Variants in DLC1 observed in about 807,000 individuals in gnomAD.
DLC1 encodes the protein rho GTPase-activating protein 7.
DLC1 carries 54 observed loss-of-function variants against 140.3 expected under a neutral mutation model. The ratio of observed to expected loss-of-function variants is 0.38; its 90% confidence interval spans 0.31 to 0.48. The LOEUF is 0.48. Among genes scored for constraint, DLC1 ranks in the 20% least tolerant of loss-of-function variants. The pLI, the probability that DLC1 is intolerant of heterozygous loss-of-function variation, is 0.96. For missense variants in DLC1, 2,536 were observed against 1,907.0 expected (o/e 1.33, Z -6.14); for synonymous variants, 986 against 728.1 (o/e 1.35, Z -5.70).
intron 5 of DLC1, among the ~76,000 whole-genome samples, chr8:13,300,948 T>C (rs1219912841): frequency 2.0e-5 from 3 of 152,142 alleles, no homozygotes; most frequent in Non-Finnish European, 2.9e-5. Context: ...AAGGCCTGCA[T>C]GGAAGCAGTG....
chr8:13,258,691 C>G lies in DLC1; in HGVS notation c.1348+46578G>C, dbSNP rs191119048. 2.1e-3 allele frequency among the ~76,000 whole-genome samples: 327 copies of G among 152,294 alleles called. 2 individuals carry two copies. Among genetic ancestry groups the G allele is most frequent in the African/African-American group, 7.2e-3 (301 of 41,554 alleles). On this transcript the variant is annotated intron_variant, in intron 5 of 17. Coordinates refer to ENST00000276297, the MANE Select transcript of DLC1 (RefSeq NM_182643.3). Reference sequence around the variant, plus strand: ...TTCAAAGTATCAATGGCCTATGTAGCCTGTGGAACATAGTATGTCCTACAT... The same window carrying G: ...TTCAAAGTATCAATGGCCTATGTAGGCTGTGGAACATAGTATGTCCTACAT...
intron 1 of DLC1, among the ~76,000 whole-genome samples, chr8:13,537,897 G>A (rs990075697): frequency 7.9e-5 from 12 of 151,814 alleles, no homozygotes; most frequent in East Asian, 3.9e-4. Flanking sequence ...CTCGTGATCC[G>A]CCCACCTCGG....
At chr8:13,210,848 C>G (rs1294006070) in intron 5 of DLC1, among the ~76,000 whole-genome samples, 2 of 152,210 alleles carry the variant, frequency 1.3e-5, no homozygotes, top group East Asian at 3.9e-4. Flanking sequence ...TTTTAAGTCT[C>G]TTTCCCTGGT....
intron 2 of DLC1, among the ~76,000 whole-genome samples, chr8:13,496,811 TTTTTTTTG>T (rs1563397902): frequency 0.095 from 1,605 of 16,948 alleles, 176 homozygotes; most frequent in Non-Finnish European, 0.12. Context: ...TTTTTTTTTT[TTTTTTTTG>T]AGATGGAGTT....
intron 5 of DLC1, among the ~76,000 whole-genome samples, chr8:13,301,833 A>G (rs1832206748): frequency 6.6e-6 from 1 of 152,188 alleles, no homozygotes; most frequent in Non-Finnish European, 1.5e-5. Flanking sequence ...TGAACTGCAC[A>G]TGTGAGGGTT....
At chr8:13,130,110 C>A (rs2128962121) in intron 5 of DLC1, among the ~76,000 whole-genome samples, 1 of 152,244 alleles carries the variant, frequency 6.6e-6, no homozygotes, top group African/African-American at 2.4e-5. Flanking sequence ...GAATATTTTC[C>A]AATTGCATAT....
intron 2 of DLC1, among the ~76,000 whole-genome samples, chr8:13,468,659 A>C (rs542749577): frequency 1.2e-4 from 18 of 150,868 alleles, no homozygotes; most frequent in Admixed American, 3.3e-4. Flanking sequence ...ACAGAGGTGC[A>C]TCAGCATGTC....
At chr8:13,323,516 G>A (rs1833212128) in intron 4 of DLC1, among the ~76,000 whole-genome samples, 1 of 152,118 alleles carries the variant, frequency 6.6e-6, no homozygotes, top group Non-Finnish European at 1.5e-5. Context: ...TTGCAGTTAA[G>A]TATTTTGCTT....
intron 2 of DLC1, among the ~76,000 whole-genome samples, chr8:13,423,705 C>T (rs1838423495): frequency 6.6e-6 from 1 of 152,022 alleles, no homozygotes; most frequent in South Asian, 2.1e-4. Context: ...ACATTTTATT[C>T]AACCACAGAT....
intron 2 of DLC1, among the ~76,000 whole-genome samples, chr8:13,496,331 T>C (rs768434213): frequency 6.6e-6 from 1 of 152,148 alleles, no homozygotes; most frequent in Admixed American, 6.5e-5. Flanking sequence ...ATGCAGAAAA[T>C]GCCTCAGCTT....
At chr8:13,115,371 G>C (rs1820459440) in intron 6 of DLC1, among the ~76,000 whole-genome samples, 1 of 152,200 alleles carries the variant, frequency 6.6e-6, no homozygotes. Context: ...TTTGGGTAGG[G>C]AGTGGCAGGC....
chr8:13,321,404 G>T (rs1175562879), intron 4 of DLC1, among the ~76,000 whole-genome samples: 1 of 152,056 alleles, frequency 6.6e-6, no homozygotes, highest in South Asian at 2.1e-4. Flanking sequence ...CATGTGTGGT[G>T]GTGCGTGCCT....
intron 1 of DLC1, among the ~76,000 whole-genome samples, chr8:13,505,993 A>T (rs73665128): frequency 6.6e-6 from 1 of 152,330 alleles, no homozygotes; most frequent in African/African-American, 2.4e-5. Context: ...CAACTTTTGT[A>T]TTCATCCCAT....
At chr8:13,534,134 C>G (rs1345724998) in intron 1 of DLC1, among the ~76,000 whole-genome samples, 1 of 152,124 alleles carries the variant, frequency 6.6e-6, no homozygotes, top group Admixed American at 6.6e-5. Context: ...GTTTAGATAT[C>G]ACTCATTTGA....
intron 1 of DLC1, among the ~76,000 whole-genome samples, chr8:13,521,051 C>G (rs777795467): frequency 6.6e-6 from 1 of 152,140 alleles, no homozygotes; most frequent in Non-Finnish European, 1.5e-5. Context: ...TCCATATACA[C>G]CATGGAATAC....
chr8:13,567,678 G>A, intron 1 of DLC1: 1 of 1,551,916 alleles, frequency 6.4e-7, no homozygotes, highest in South Asian at 1.2e-5. Flanking sequence ...TACTCCAAGA[G>A]AGAATAGATG....
At chr8:13,105,489 G>T (rs916610722) in intron 7 of DLC1, among the ~76,000 whole-genome samples, 1 of 152,068 alleles carries the variant, frequency 6.6e-6, no homozygotes, top group Non-Finnish European at 1.5e-5. Flanking sequence ...TTTTACAGAT[G>T]AGGAAATGGG....
chr8:13,107,801 C>T (rs1819696939), intron 7 of DLC1, among the ~76,000 whole-genome samples: 1 of 152,072 alleles, frequency 6.6e-6, no homozygotes, highest in Non-Finnish European at 1.5e-5. Flanking sequence ...CCTGTAATCC[C>T]CAGCCCTTTG....
intron 5 of DLC1, chr8:13,214,341 T>C (rs1476123058): frequency 3.2e-6 from 1 of 308,374 alleles, no homozygotes; most frequent in Non-Finnish European, 5.9e-6. Context: ...TCCCGGGTTC[T>C]TTAGGAAAGT....
Sources: allele counts gnomAD v4.1 joint callset (sites outside exome capture counted in the v4.1 genomes callset), GRCh38; gene constraint gnomAD v4.1.1; transcripts MANE v1.5; gene names NCBI Gene and HGNC (gene_info 2026-07-23, HGNC 2026-07-21).